The following PBRM1 variants were observed in gnomAD, a reference collection of about 807,000 sequenced individuals.
PBRM1 encodes protein polybromo-1.
Under a neutral mutation model 194.5 loss-of-function variants are expected in PBRM1, and 27 were observed. That is an observed-to-expected ratio of 0.14 (90% CI 0.10 to 0.19). The LOEUF (loss-of-function observed/expected upper bound fraction) is 0.19, where lower values mean the gene tolerates loss of function less well. PBRM1 is among the 10% of genes least tolerant of loss of function. PBRM1 has a pLI of 1.00. For synonymous variants in PBRM1, 655 were observed against 693.2 expected (o/e 0.94, Z 0.87); for missense variants, 1,466 against 2,077.2 (o/e 0.71, Z 5.72).
At chr3:52,657,673 T>C (rs1222456240) in intron 5 of PBRM1, among the ~76,000 whole-genome samples, 1 of 152,192 alleles carries the variant, frequency 6.6e-6, no homozygotes, top group Non-Finnish European at 1.5e-5. Context: ...TTTCACCACA[T>C]TGGCCAGGCT....
intron 26 of PBRM1, among the ~76,000 whole-genome samples, chr3:52,555,861 T>A (rs1472844372): frequency 1.3e-5 from 2 of 152,156 alleles, no homozygotes; most frequent in Non-Finnish European, 2.9e-5. Flanking sequence ...GAAAAAAAAT[T>A]CAAAATGTCA....
intron 17 of PBRM1, among the ~76,000 whole-genome samples, chr3:52,597,679 A>G (rs1206809855): frequency 6.6e-6 from 1 of 152,068 alleles, no homozygotes; most frequent in Non-Finnish European, 1.5e-5. Flanking sequence ...CGATCCTCCC[A>G]TCTTAGCCTC....
At chr3:52,615,507 G>T in intron 14 of PBRM1, 51 bp from the exon 17 acceptor site, 1 of 1,103,344 alleles carries the variant, frequency 9.1e-7, no homozygotes, top group Non-Finnish European at 1.4e-6. Context: ...TTTCATTAAG[G>T]TATAAAATGC....
exon 3 of PBRM1, chr3:52,668,503 A>G (rs750391682): frequency 6.3e-7 from 1 of 1,597,516 alleles, no homozygotes; most frequent in South Asian, 1.1e-5. Context: ...CTTACCTTAT[A>G]ATAGGACTTT....
chr3:52,614,373 C>CAAAAAAAAA (rs1165930996), intron 15 of PBRM1, among the ~76,000 whole-genome samples: 18 of 40,900 alleles, frequency 4.4e-4, no homozygotes, highest in Admixed American at 8.8e-4. Context: ...GATGCTTCAT[C>CAAAAAAAAA]AAAAAAAAAA....
At chr3:52,599,018 CAAA>C (rs59170143) in intron 17 of PBRM1, among the ~76,000 whole-genome samples, 148 of 114,362 alleles carry the variant, frequency 1.3e-3, no homozygotes, top group African/African-American at 5.0e-3. Context: ...CCAGATATCT[CAAA>C]AAAAAAAAAA....
chr3:52,577,322 T>C (rs984115268), intron 21 of PBRM1, among the ~76,000 whole-genome samples: 1 of 150,846 alleles, frequency 6.6e-6, no homozygotes, highest in Admixed American at 6.6e-5. Flanking sequence ...TCCCAGCTAC[T>C]TGGGAGGCTG....
At chr3:52,639,133 T>C (rs987950807) in intron 10 of PBRM1, among the ~76,000 whole-genome samples, 40 of 152,080 alleles carry the variant, frequency 2.6e-4, no homozygotes, top group Non-Finnish European at 5.0e-4. Flanking sequence ...TGCAGGCATG[T>C]GCCACTATAT....
At chr3:52,669,626 A>C (rs1017197855) in intron 2 of PBRM1, among the ~76,000 whole-genome samples, 1 of 152,228 alleles carries the variant, frequency 6.6e-6, no homozygotes. Flanking sequence ...ATTAAGGCTT[A>C]AATCTCTCTT....
At chr3:52,667,422 C>T (rs891587595) in intron 3 of PBRM1, among the ~76,000 whole-genome samples, 5 of 151,950 alleles carry the variant, frequency 3.3e-5, no homozygotes, top group African/African-American at 1.2e-4. Flanking sequence ...AACTGAAACA[C>T]ATATAATCAA....
chr3:52,676,544 A>C (rs1405120838), intron 2 of PBRM1, among the ~76,000 whole-genome samples: 1 of 152,210 alleles, frequency 6.6e-6, no homozygotes, highest in Non-Finnish European at 1.5e-5. Context: ...CTGTAAGTTC[A>C]GTTAAACCTC....
intron 16 of PBRM1, among the ~76,000 whole-genome samples, chr3:52,604,466 C>T (rs10433615): frequency 0.34 from 52,046 of 151,982 alleles, 9,929 homozygotes; most frequent in Admixed American, 0.46. Flanking sequence ...TTTGGGAGGC[C>T]GAGGCGGGAG....
chr3:52,581,337 C>G (rs915913522), intron 20 of PBRM1, among the ~76,000 whole-genome samples: 1 of 152,092 alleles, frequency 6.6e-6, no homozygotes, highest in Non-Finnish European at 1.5e-5. Flanking sequence ...TGGTAAAACC[C>G]CATCTCTATT....
intron 18 of PBRM1, 58 bp from the exon 21 acceptor site, chr3:52,587,568 C>CA: frequency 1.4e-5 from 13 of 912,624 alleles, no homozygotes; most frequent in Non-Finnish European, 2.1e-5. Context: ...TAACAGAAAT[C>CA]ACTTTTTTTT....
intron 22 of PBRM1, among the ~76,000 whole-genome samples, chr3:52,574,564 G>C (rs181583046): frequency 6.7e-4 from 102 of 152,274 alleles, no homozygotes; most frequent in Middle Eastern, 3.4e-3. Flanking sequence ...GGCCAATAAG[G>C]GTTTTGAAAA....
Position 52,548,287 on chromosome 3 carries a change from T to C in PBRM1, c.4898-52A>G, listed in dbSNP as rs774209754. On this transcript the variant is annotated intron_variant, in intron 29 of 29. Transcript: ENST00000296302. ...AAATTAGAATTTTAAGTTGGCAAAATTTCCCTCAGTTCTAAGGTCTGACGA... is the reference window on the plus strand; with the variant it reads ...AAATTAGAATTTTAAGTTGGCAAAACTTCCCTCAGTTCTAAGGTCTGACGA... 6 of 1,420,126 alleles carry C rather than the reference T, an allele frequency of 4.2e-6. No homozygotes were observed. The East Asian group carries it at 9.9e-5, about 23-fold the overall frequency. 88.0% of individuals were successfully genotyped at this position (1,420,126 alleles called of 1,614,324 possible). A position where few individuals can be genotyped will look rare whatever the true frequency, so the allele number is the denominator to read the frequency against.
chr3:52,614,922 T>C (rs1391693869), intron 15 of PBRM1, among the ~76,000 whole-genome samples: 2 of 152,142 alleles, frequency 1.3e-5, no homozygotes, highest in African/African-American at 2.4e-5. Context: ...ACTCAAATGA[T>C]AGCTGAGTAT....
intron 15 of PBRM1, among the ~76,000 whole-genome samples, chr3:52,610,605 A>C (rs2094557576): frequency 6.6e-6 from 1 of 152,242 alleles, no homozygotes; most frequent in South Asian, 2.1e-4. Context: ...GACAGTAAAG[A>C]ATCTATCAAT....
intron 25 of PBRM1, 121 bp from the exon 28 acceptor site, chr3:52,558,534 G>A: frequency 2.5e-6 from 2 of 808,682 alleles, no homozygotes; most frequent in Non-Finnish European, 3.7e-6. Context: ...GGAAGGAACA[G>A]TAGATGACTA....
Sources: gnomAD v4.1 joint callset for allele counts (sites outside exome capture counted in the v4.1 genomes callset) on GRCh38, gnomAD v4.1.1 for gene constraint, MANE v1.5 for transcripts, NCBI Gene and HGNC (gene_info 2026-07-23, HGNC 2026-07-21) for gene names.